Variants in DOK6 observed in about 807,000 individuals in gnomAD.
The protein encoded by DOK6 is docking protein 6.
Under a neutral mutation model 44.0 loss-of-function variants are expected in DOK6, and 22 were observed. The observed-to-expected ratio is 0.50, with a 90% CI of 0.36 to 0.71. DOK6 has a LOEUF of 0.71. DOK6 is among the 30% of genes least tolerant of loss of function. The probability of loss-of-function intolerance (pLI) is 0.00; values close to 1 mark genes in which losing one functional copy is unlikely to be tolerated. For synonymous variants in DOK6, 166 were observed against 145.5 expected, an observed-to-expected ratio of 1.14 and a Z score of -1.01; for missense variants, 340 against 416.4, an observed-to-expected ratio of 0.82 and a Z score of 1.60.
At chr18:69,706,284 C>T (rs926069128) in intron 5 of DOK6, among the ~76,000 whole-genome samples, 5 of 152,224 alleles carry the variant, frequency 3.3e-5, no homozygotes, top group South Asian at 2.1e-4. Context: ...GTCAAAGGCA[C>T]GGTTCATGAG....
chr18:69,612,513 G>C (rs1984183336), intron 3 of DOK6, among the ~76,000 whole-genome samples: 1 of 130,758 alleles, frequency 7.6e-6, no homozygotes, highest in African/African-American at 2.9e-5. Context: ...TGAGCTGCTC[G>C]TCTGCCTACC....
chr18:69,460,700 T>A (rs1358333733), intron 1 of DOK6, among the ~76,000 whole-genome samples: 4 of 152,244 alleles, frequency 2.6e-5, no homozygotes, highest in African/African-American at 9.6e-5. Context: ...TTTATTATTT[T>A]GCAACTAAAC....
chr18:69,561,208 C>CT (rs1292828814), intron 1 of DOK6, among the ~76,000 whole-genome samples: 1 of 152,086 alleles, frequency 6.6e-6, no homozygotes, highest in African/African-American at 2.4e-5. Flanking sequence ...AGCTAAGACA[C>CT]TAAGTAATTT....
At chr18:69,609,897 A>G (rs1323448702) in intron 3 of DOK6, among the ~76,000 whole-genome samples, 2 of 152,230 alleles carry the variant, frequency 1.3e-5, no homozygotes, top group African/African-American at 4.8e-5. Context: ...TCTTGAGAGC[A>G]TTATATTAAG....
intron 1 of DOK6, among the ~76,000 whole-genome samples, chr18:69,559,417 GAGTCTCA>G (rs1193365769): frequency 1.3e-5 from 2 of 152,122 alleles, no homozygotes; most frequent in Non-Finnish European, 2.9e-5. Flanking sequence ...CTAGGGATTT[GAGTCTCA>G]ATTTTACTCC....
chr18:69,758,477 A>C (rs1036051920), intron 7 of DOK6, among the ~76,000 whole-genome samples: 9 of 71,394 alleles, frequency 1.3e-4, no homozygotes, highest in Admixed American at 4.2e-4. Context: ...AATAGCTAGC[A>C]GATTTTTTTT....
At position 69,466,758 on chromosome 18, in the gene DOK6, A is replaced by G. The variant is rs76679720; in HGVS notation, c.66+65448A>G. Reference sequence around the variant, plus strand: ...CTGAAAAATCCCAAAGACTCAAGGGAAAAAAAAGTAGGAAAAGTAAGAGGG... The same window carrying G: ...CTGAAAAATCCCAAAGACTCAAGGGGAAAAAAAGTAGGAAAAGTAAGAGGG... On this transcript the variant is annotated intron_variant, in intron 1 of 7. Coordinates refer to ENST00000382713, the MANE Select transcript of DOK6 (RefSeq NM_152721.6). Among the ~76,000 whole-genome samples, 1,399 of 151,822 alleles carry G rather than the reference A, an allele frequency of 9.2e-3. 18 individuals carry two copies. The highest frequency in any genetic ancestry group is 0.032 in the African/African-American group (1,342 of 41,416).
In DOK6 at chr18:69,642,324, T is replaced by TTTTTA. The variant is rs565530201; in HGVS notation, c.290-35385_290-35381dup. On this transcript the variant is annotated intron_variant, in intron 3 of 7. Transcript: ENST00000382713. The stretch of plus-strand genomic sequence containing the variant: ...TTCTTCCACAACTGACCTATAGCGA[T>TTTTTA]TTTTATTTTATTTTATTTTATTTTA... Among the ~76,000 whole-genome samples the TTTTTA allele has an allele frequency of 1.3e-3, 192 of 152,282 alleles. 1 individual carries two copies. In the East Asian group the frequency reaches 0.029, roughly 23 times the overall value.
At chr18:69,547,522 C>T (rs1303095912) in intron 1 of DOK6, among the ~76,000 whole-genome samples, 2 of 151,502 alleles carry the variant, frequency 1.3e-5, no homozygotes, top group Non-Finnish European at 3.0e-5. Flanking sequence ...CACCTCCCAG[C>T]AGGCCTCACC....
chr18:69,585,254 CAT>C (rs926081945), intron 2 of DOK6, among the ~76,000 whole-genome samples: 1 of 151,632 alleles, frequency 6.6e-6, no homozygotes, highest in African/African-American at 2.4e-5. Flanking sequence ...CCTTTTAACT[CAT>C]GTTTTTTAGA....
chr18:69,471,049 A>C (rs1177417854), intron 1 of DOK6, among the ~76,000 whole-genome samples: 1 of 151,864 alleles, frequency 6.6e-6, no homozygotes, highest in Non-Finnish European at 1.5e-5. Context: ...CGGGAGTTTG[A>C]GACCAGCCTG....
chr18:69,560,294 CA>C (rs952986312), intron 1 of DOK6, among the ~76,000 whole-genome samples: 3 of 152,242 alleles, frequency 2.0e-5, no homozygotes, highest in African/African-American at 7.2e-5. Flanking sequence ...AATTCTAATA[CA>C]AAAGTGTGAA....
chr18:69,841,038 C>T (rs1193009881), intron 7 of DOK6, among the ~76,000 whole-genome samples: 6 of 152,190 alleles, frequency 3.9e-5, no homozygotes, highest in Admixed American at 3.9e-4. Flanking sequence ...GCTCTGAATA[C>T]ATTTTAATTC....
chr18:69,559,273 T>C (rs1216438516), intron 1 of DOK6, among the ~76,000 whole-genome samples: 2 of 152,036 alleles, frequency 1.3e-5, no homozygotes, highest in African/African-American at 4.8e-5. Context: ...TCAGCAAGTA[T>C]GTGTATTTAC....
intron 1 of DOK6, among the ~76,000 whole-genome samples, chr18:69,550,911 G>T (rs997178013): frequency 1.3e-5 from 2 of 151,630 alleles, no homozygotes; most frequent in African/African-American, 4.8e-5. Context: ...AGCCTCCTGA[G>T]TCGCTGGGAT....
intron 4 of DOK6, among the ~76,000 whole-genome samples, chr18:69,679,883 G>A (rs1473006958): frequency 1.3e-5 from 2 of 151,904 alleles, no homozygotes; most frequent in African/African-American, 2.4e-5. Context: ...TTTAGAATAG[G>A]ACAAACAGAA....
At chr18:69,626,642 C>T (rs965098931) in intron 3 of DOK6, among the ~76,000 whole-genome samples, 2 of 152,162 alleles carry the variant, frequency 1.3e-5, no homozygotes, top group East Asian at 3.9e-4. Context: ...GCAGGAAAAA[C>T]TGGTCTTAAC....
At chr18:69,800,019 A>G (rs1212873475) in intron 7 of DOK6, among the ~76,000 whole-genome samples, 2 of 152,006 alleles carry the variant, frequency 1.3e-5, no homozygotes, top group Admixed American at 1.3e-4. Flanking sequence ...GGAAAGAAAC[A>G]TTTGCAGTTC....
intron 3 of DOK6, among the ~76,000 whole-genome samples, chr18:69,635,648 G>T (rs2144650135): frequency 6.6e-6 from 1 of 152,182 alleles, no homozygotes; most frequent in South Asian, 2.1e-4. Context: ...CTAGGCATGT[G>T]GTAGCATCAC....
Sources: gnomAD v4.1 joint callset for allele counts (sites outside exome capture counted in the v4.1 genomes callset) on GRCh38, gnomAD v4.1.1 for gene constraint, MANE v1.5 for transcripts, NCBI Gene and HGNC (gene_info 2026-07-23, HGNC 2026-07-21) for gene names.